Variants in LIPI observed in about 807,000 individuals in gnomAD.
LIPI encodes the protein lipase member I.
Under a neutral mutation model 50.6 loss-of-function variants are expected in LIPI, and 59 were observed. The ratio of observed to expected loss-of-function variants is 1.16; its 90% CI spans 0.94 to 1.45. LIPI has a LOEUF of 1.45. LIPI is among the 40% of genes most tolerant of loss of function. LIPI has a pLI of 0.00. For synonymous variants in LIPI, 203 were observed against 178.2 expected (o/e 1.14, Z -1.11); for missense variants, 586 against 536.3 (o/e 1.09, Z -0.92).
intron 9 of LIPI, among the ~76,000 whole-genome samples, chr21:14,125,314 C>G (rs751050294): frequency 1.3e-5 from 2 of 152,096 alleles, no homozygotes; most frequent in Non-Finnish European, 2.9e-5. Flanking sequence ...TTGTAAAGTT[C>G]TCATCTTCTA....
At position 14,187,757 on chromosome 21, in the gene LIPI, G is replaced by T. The variant is rs77920930; in HGVS notation, c.432+1277C>A. Among the ~76,000 whole-genome samples, 1,195 of 144,486 alleles carry T rather than the reference G, an allele frequency of 8.3e-3. 19 individuals are homozygous for T. The highest frequency in any genetic ancestry group is 0.027 in the African/African-American group (1,087 of 40,840). 94.8% of individuals were successfully genotyped at this position (144,486 alleles called of 152,430 possible). A position where few individuals can be genotyped will look rare whatever the true frequency, so the allele number is the denominator to read the frequency against. ...GGGTGTAAAAATAATAATGAAAGTT[G>T]ATCTTAATGATTACTAAATGTCACC... On this transcript the variant is annotated intron_variant, in intron 2 of 9. Coordinates refer to ENST00000681601, the MANE Select transcript of LIPI (RefSeq NM_001302998.2).
chr21:14,137,075 G>C (rs2017525799), intron 9 of LIPI, among the ~76,000 whole-genome samples: 1 of 152,104 alleles, frequency 6.6e-6, no homozygotes, highest in Non-Finnish European at 1.5e-5. Flanking sequence ...TGTGACCCAA[G>C]TGTTTTAAAA....
chr21:14,150,699 A>G (rs2018059091), intron 8 of LIPI, among the ~76,000 whole-genome samples: 1 of 152,234 alleles, frequency 6.6e-6, no homozygotes, highest in Admixed American at 6.5e-5. Context: ...AATTTAAAGT[A>G]ATGAACAATT....
At position 14,152,576 on chromosome 21, in the gene LIPI, TA is replaced by T. The variant is rs2018134497; in HGVS notation, c.1114del (p.Tyr372MetfsTer24). 1 of 1,500,580 alleles carries T rather than the reference TA, an allele frequency of 6.7e-7. No homozygotes were observed. The allele number at this position is 1,500,580 out of a possible 1,614,324, so 93.0% of individuals were successfully genotyped here. A position where few individuals can be genotyped will look rare whatever the true frequency, so the allele number is the denominator to read the frequency against. On this transcript the variant is annotated frameshift_variant, in exon 8 of 10. Transcript: ENST00000681601. LOFTEE classifies it high-confidence loss of function. Reference protein sequence around the residue: ...QLGMIEEPRLYEKNKPFYKLQ... With the variant: ...QLGMIEEPRLXEKNKPFYKLQ... ...GAAAATAGTAAATTTTACTTACTCA[TA>T]AAGCCTTGGCTCTTCAATCATTCCA...
intron 9 of LIPI, among the ~76,000 whole-genome samples, chr21:14,142,725 C>T (rs1344870280): frequency 1.3e-5 from 2 of 151,700 alleles, no homozygotes. Context: ...CTCTAGTGAT[C>T]CTCCCGACTT....
intron 3 of LIPI, among the ~76,000 whole-genome samples, chr21:14,185,135 T>C (rs1186063185): frequency 1.3e-5 from 2 of 152,178 alleles, no homozygotes; most frequent in Non-Finnish European, 2.9e-5. Flanking sequence ...GAGGAAAGAA[T>C]GAAAATCCAT....
chr21:14,187,225 T>C (rs138245088), intron 2 of LIPI, among the ~76,000 whole-genome samples: 1 of 152,250 alleles, frequency 6.6e-6, no homozygotes, highest in African/African-American at 2.4e-5. Context: ...GAAGGGAAAT[T>C]AGAAGACTAC....
chr21:14,110,824 G>T (rs2016377757), intron 9 of LIPI, among the ~76,000 whole-genome samples: 1 of 150,756 alleles, frequency 6.6e-6, no homozygotes, highest in Admixed American at 6.6e-5. Context: ...TCTTTATTAT[G>T]TCTGAATAGT....
intron 1 of LIPI, among the ~76,000 whole-genome samples, chr21:14,200,724 C>G (rs960343361): frequency 6.6e-6 from 1 of 151,794 alleles, no homozygotes; most frequent in Non-Finnish European, 1.5e-5. Flanking sequence ...TCCTATTAAA[C>G]TACCATTGAG....
intron 9 of LIPI, among the ~76,000 whole-genome samples, chr21:14,128,518 A>T (rs1217698081): frequency 6.6e-6 from 1 of 152,078 alleles, no homozygotes; most frequent in East Asian, 1.9e-4. Context: ...CAAGGACTGA[A>T]AAAATAGCAT....
At chr21:14,165,047 T>G (rs953663626) in intron 6 of LIPI, among the ~76,000 whole-genome samples, 176 bp downstream of exon 6, 2 of 152,234 alleles carry the variant, frequency 1.3e-5, no homozygotes, top group Non-Finnish European at 1.5e-5. Flanking sequence ...ATTAAAAATG[T>G]TTAGTAGGGA....
chr21:14,166,348 TACTGTCAGTATACC>T lies in LIPI; in HGVS notation c.733_733+13del. ...GAATATTATGTAGTTCATTCAAAAA[TACTGTCAGTATACC>T]TGAGAAAATTGATTTAGGACAGCCA... On this transcript the variant is annotated splice_donor_variant and splice_donor_5th_base_variant and coding_sequence_variant and intron_variant, in exon 5 of 10. Transcript: ENST00000681601. LOFTEE classifies it high-confidence loss of function. 1 of 1,393,956 alleles carries T rather than the reference TACTGTCAGTATACC, an allele frequency of 7.2e-7. No homozygotes were observed. Among genetic ancestry groups the T allele is most frequent in the African/African-American group, 1.4e-5 (1 of 70,600 alleles). The allele number at this position is 1,393,956 out of a possible 1,614,324, so 86.3% of individuals were successfully genotyped here.
intron 9 of LIPI, 71 bp downstream of exon 9, chr21:14,144,552 C>T: frequency 1.3e-6 from 1 of 790,930 alleles, no homozygotes; most frequent in East Asian, 2.5e-5. Flanking sequence ...AATTTTTAAA[C>T]CATTACTTAA....
chr21:14,136,568 G>T (rs1189323969), intron 9 of LIPI, among the ~76,000 whole-genome samples: 1 of 152,168 alleles, frequency 6.6e-6, no homozygotes, highest in Non-Finnish European at 1.5e-5. Flanking sequence ...ATACCAGGTA[G>T]ACTTCTAAGG....
chr21:14,133,883 TACAAC>T (rs2017391329), intron 9 of LIPI, among the ~76,000 whole-genome samples: 1 of 152,188 alleles, frequency 6.6e-6, no homozygotes, highest in Non-Finnish European at 1.5e-5. Context: ...TTTGCAATGC[TACAAC>T]ACATTAAAAT....
At chr21:14,161,758 AT>A (rs1288260824) in intron 7 of LIPI, among the ~76,000 whole-genome samples, 1,573 of 77,660 alleles carry the variant, frequency 0.02, 150 homozygotes, top group Middle Eastern at 0.044. Context: ...TATATAATAT[AT>A]ACATTATTAT....
chr21:14,205,408 A>C (rs1429006241), intron 1 of LIPI, among the ~76,000 whole-genome samples: 1 of 151,978 alleles, frequency 6.6e-6, no homozygotes, highest in Non-Finnish European at 1.5e-5. Flanking sequence ...AAATACAATA[A>C]GATAATAAAA....
chr21:14,163,477 TTCCA>T lies in LIPI; in HGVS notation c.944_947del (p.Met315LysfsTer28), dbSNP rs1188448620. 1.3e-6 allele frequency: 2 copies of T among 1,591,224 alleles called. No individual in the cohort carries two copies. The highest frequency in any genetic ancestry group is 3.3e-5 in the Admixed American group (2 of 59,924). On this transcript the variant is annotated frameshift_variant, in exon 7 of 10. Transcript: ENST00000681601. LOFTEE classifies it high-confidence loss of function. ...ACACAGTGGTCCTAAGAGGTCTTCC[TTCCA>T]TCCTTTCTTTTAAAACACCTTTAAA...
intron 4 of LIPI, among the ~76,000 whole-genome samples, chr21:14,179,180 A>G (rs749786985): frequency 6.6e-6 from 1 of 152,032 alleles, no homozygotes; most frequent in Non-Finnish European, 1.5e-5. Flanking sequence ...TAATCCACAA[A>G]TTTGAAAGGC....
Sources: gnomAD v4.1 joint callset for allele counts (sites outside exome capture counted in the v4.1 genomes callset) on GRCh38, gnomAD v4.1.1 for gene constraint, MANE v1.5 for transcripts, NCBI Gene and HGNC (gene_info 2026-07-23, HGNC 2026-07-21) for gene names.